Variants in CAMKMT observed in about 807,000 individuals in gnomAD.
The protein encoded by CAMKMT is calmodulin-lysine N-methyltransferase.
CAMKMT carries 53 observed loss-of-function variants against 48.0 expected under a neutral mutation model. That is an observed-to-expected ratio of 1.10 (90% CI 0.89 to 1.39). The LOEUF is 1.39. CAMKMT is among the 40% of genes most tolerant of loss of function. The pLI, the probability that CAMKMT is intolerant of heterozygous loss-of-function variation, is 0.00. For synonymous variants in CAMKMT, 165 were observed against 152.3 expected (o/e 1.08, Z -0.61); for missense variants, 428 against 402.7 (o/e 1.06, Z -0.54).
At chr2:44,544,861 A>G (rs1233569635) in intron 3 of CAMKMT, among the ~76,000 whole-genome samples, 3 of 152,228 alleles carry the variant, frequency 2.0e-5, no homozygotes, top group Admixed American at 2.0e-4. Flanking sequence ...CTGTAAGTAC[A>G]TTTCCTTTAA....
chr2:44,587,890 C>T (rs1349122740), intron 3 of CAMKMT, among the ~76,000 whole-genome samples: 9 of 119,554 alleles, frequency 7.5e-5, no homozygotes, highest in Non-Finnish European at 1.6e-4. Context: ...AGCCTCTGCC[C>T]GGCCGCCACC....
chr2:44,499,839 T>A (rs1457194986), intron 3 of CAMKMT, among the ~76,000 whole-genome samples: 2 of 152,228 alleles, frequency 1.3e-5, no homozygotes, highest in Non-Finnish European at 2.9e-5. Flanking sequence ...GTGATACTTC[T>A]GAATGGTTAT....
intron 3 of CAMKMT, among the ~76,000 whole-genome samples, chr2:44,433,646 A>C (rs539259947): frequency 5.8e-4 from 88 of 152,344 alleles, no homozygotes; most frequent in African/African-American, 2.1e-3. Context: ...TTGATTAAAA[A>C]ATAATTATAC....
At chr2:44,629,654 A>G (rs1672697466) in intron 3 of CAMKMT, among the ~76,000 whole-genome samples, 2 of 151,970 alleles carry the variant, frequency 1.3e-5, no homozygotes, top group Non-Finnish European at 2.9e-5. Flanking sequence ...AATTGCTTCA[A>G]AGAGAATAAA....
intron 3 of CAMKMT, among the ~76,000 whole-genome samples, chr2:44,404,192 G>A (rs1399843370): frequency 6.6e-6 from 1 of 152,006 alleles, no homozygotes; most frequent in African/African-American, 2.4e-5. Flanking sequence ...ATTTAAAAAA[G>A]CAAACCACAC....
At chr2:44,604,944 A>C (rs553285823) in intron 3 of CAMKMT, among the ~76,000 whole-genome samples, 1 of 152,062 alleles carries the variant, frequency 6.6e-6, no homozygotes, top group African/African-American at 2.4e-5. Context: ...CTTTCTGCCT[A>C]TTTCAACGTG....
At chr2:44,756,480 A>G (rs1680385611) in intron 9 of CAMKMT, among the ~76,000 whole-genome samples, 1 of 152,072 alleles carries the variant, frequency 6.6e-6, no homozygotes, top group Non-Finnish European at 1.5e-5. Context: ...AGTGGCTCAC[A>G]CTTGTAATCC....
At chr2:44,408,603 G>T (rs973355456) in intron 3 of CAMKMT, among the ~76,000 whole-genome samples, 2 of 152,084 alleles carry the variant, frequency 1.3e-5, no homozygotes, top group Non-Finnish European at 2.9e-5. Context: ...ATTAGAGCAT[G>T]ACTTTGAATA....
At chr2:44,374,145 CAAAGT>C (rs1679452398) in intron 2 of CAMKMT, among the ~76,000 whole-genome samples, 2 of 109,102 alleles carry the variant, frequency 1.8e-5, no homozygotes, top group South Asian at 3.0e-4. Flanking sequence ...AAAAAAAAAT[CAAAGT>C]AAAGAAAATG....
chr2:44,539,283 C>CA (rs35929999), intron 3 of CAMKMT, among the ~76,000 whole-genome samples: 13,461 of 117,062 alleles, frequency 0.11, 791 homozygotes, highest in African/African-American at 0.19. Flanking sequence ...CCAGAAGTCT[C>CA]AAAAAAAAAA....
chr2:44,651,337 A>G (rs1674052835), intron 3 of CAMKMT, among the ~76,000 whole-genome samples: 1 of 152,214 alleles, frequency 6.6e-6, no homozygotes. Context: ...GCAGACATCA[A>G]AAGTTCTTGT....
At chr2:44,476,676 C>T (rs1263260818) in intron 3 of CAMKMT, among the ~76,000 whole-genome samples, 1 of 151,782 alleles carries the variant, frequency 6.6e-6, no homozygotes, top group South Asian at 2.1e-4. Flanking sequence ...TGCTTAGAAT[C>T]ATATGTTCCA....
chr2:44,443,265 G>T (rs1276013251), intron 3 of CAMKMT, among the ~76,000 whole-genome samples: 1 of 152,124 alleles, frequency 6.6e-6, no homozygotes, highest in Non-Finnish European at 1.5e-5. Context: ...CTTTTCATCT[G>T]ACAAAGGAGG....
intron 3 of CAMKMT, among the ~76,000 whole-genome samples, chr2:44,665,271 A>G (rs983847047): frequency 6.6e-6 from 1 of 152,048 alleles, no homozygotes. Flanking sequence ...GGGTTTCACC[A>G]TGTTGGCCAT....
At chr2:44,619,231 T>C (rs1480018148) in intron 3 of CAMKMT, among the ~76,000 whole-genome samples, 1 of 152,212 alleles carries the variant, frequency 6.6e-6, no homozygotes, top group East Asian at 1.9e-4. Context: ...TACTCAAGTC[T>C]GCATTTGAAC....
intron 3 of CAMKMT, among the ~76,000 whole-genome samples, chr2:44,414,848 A>T (rs1370972776): frequency 1.3e-5 from 2 of 152,148 alleles, no homozygotes; most frequent in African/African-American, 4.8e-5. Context: ...CAGCTAGAGG[A>T]GCTAAGTTTG....
intron 7 of CAMKMT, among the ~76,000 whole-genome samples, chr2:44,721,053 T>C (rs1678436919): frequency 1.3e-5 from 2 of 152,156 alleles, no homozygotes; most frequent in South Asian, 4.1e-4. Context: ...TGCAGGTTTA[T>C]CCTCTTGAGT....
intron 3 of CAMKMT, among the ~76,000 whole-genome samples, chr2:44,417,916 G>A (rs567369934): frequency 1.6e-4 from 24 of 152,248 alleles, no homozygotes; most frequent in African/African-American, 5.5e-4. Flanking sequence ...TTGTAGGCCG[G>A]GCATTGTGGC....
At chr2:44,645,786 G>A (rs919432613) in intron 3 of CAMKMT, among the ~76,000 whole-genome samples, 17 of 152,072 alleles carry the variant, frequency 1.1e-4, no homozygotes, top group African/African-American at 2.9e-4. Flanking sequence ...ATGCCACTGC[G>A]CTCCAGCCTG....
Sources: allele counts gnomAD v4.1 joint callset (sites outside exome capture counted in the v4.1 genomes callset), GRCh38; gene constraint gnomAD v4.1.1; transcripts MANE v1.5; gene names NCBI Gene and HGNC (gene_info 2026-07-23, HGNC 2026-07-21).